Variants in CSNK1G1 observed in about 807,000 individuals in gnomAD.
CSNK1G1 encodes casein kinase I isoform gamma-1.
CSNK1G1 carries 22 observed loss-of-function variants against 59.6 expected under a neutral mutation model. That is an observed-to-expected ratio of 0.37 (90% CI 0.26 to 0.53). The LOEUF is 0.53. Among genes scored for constraint, CSNK1G1 ranks in the 20% least tolerant of loss-of-function variants. The pLI is 0.89. For missense variants in CSNK1G1, 384 were observed against 519.5 expected, an observed-to-expected ratio of 0.74 and a Z score of 2.54; for synonymous variants, 179 against 177.1, an observed-to-expected ratio of 1.01 and a Z score of -0.08.
At chr15:64,318,021 T>C (rs1247367449) in intron 1 of CSNK1G1, among the ~76,000 whole-genome samples, 2 of 152,172 alleles carry the variant, frequency 1.3e-5, no homozygotes, top group Non-Finnish European at 2.9e-5. Context: ...GCCAATTTTC[T>C]CACCTAATGA....
At chr15:64,206,214 G>C (rs2082177904) in intron 7 of CSNK1G1, among the ~76,000 whole-genome samples, 1 of 152,170 alleles carries the variant, frequency 6.6e-6, no homozygotes, top group Admixed American at 6.5e-5. Context: ...GGCCGAGGCA[G>C]GCGGATCACA....
At chr15:64,225,948 T>TA in intron 4 of CSNK1G1, among the ~76,000 whole-genome samples, 1 of 152,126 alleles carries the variant, frequency 6.6e-6, no homozygotes. Flanking sequence ...TTTAATTCAA[T>TA]AAAAACCCCA....
At chr15:64,347,824 G>A (rs958770260) in intron 1 of CSNK1G1, among the ~76,000 whole-genome samples, 33 of 151,916 alleles carry the variant, frequency 2.2e-4, no homozygotes, top group African/African-American at 8.0e-4. Flanking sequence ...TGGCCAACAT[G>A]GTGAAACCCG....
intron 4 of CSNK1G1, among the ~76,000 whole-genome samples, chr15:64,240,663 C>A (rs1053149099): frequency 2.6e-5 from 4 of 151,760 alleles, no homozygotes; most frequent in African/African-American, 9.7e-5. Flanking sequence ...AAACTCTCAG[C>A]CAAAAATACT....
chr15:64,236,558 C>T (rs1051976964), intron 4 of CSNK1G1, among the ~76,000 whole-genome samples: 6 of 152,108 alleles, frequency 3.9e-5, no homozygotes, highest in African/African-American at 1.4e-4. Flanking sequence ...CATTAGTACT[C>T]ATTAAAGAAA....
chr15:64,189,065 G>C (rs1183599470), intron 10 of CSNK1G1, among the ~76,000 whole-genome samples: 1 of 152,150 alleles, frequency 6.6e-6, no homozygotes, highest in Non-Finnish European at 1.5e-5. Flanking sequence ...GGTGGAGGTT[G>C]CAGTGAGCCA....
rs374369901 is a variant in CSNK1G1, at chr15:64,226,848, G to A, written c.293-10135C>T. On this transcript the variant is annotated intron_variant, in intron 4 of 11. Coordinates refer to ENST00000303052, the MANE Select transcript of CSNK1G1 (RefSeq NM_022048.5). ...TAAAAAGTCAAGAAGGTTCTAGCAA[G>A]CAGCTAGAAGGAATGAAAAGGAAAA... 3.3e-5 allele frequency among the ~76,000 whole-genome samples: 5 copies of A among 152,236 alleles called. No homozygotes were observed. In the East Asian group the frequency reaches 5.8e-4, roughly 18 times the overall value.
rs181369805 is a variant in CSNK1G1 at position 64,272,434 on chromosome 15, G to T, written c.182-13193C>A. On this transcript the variant is annotated intron_variant, in intron 2 of 11. Transcript: ENST00000303052. ...GGGTTTCACCGTGTTAGCCAGGATGGTCTCAATCTCCTGACCTTGTGATCC... is the reference window on the plus strand; with the variant it reads ...GGGTTTCACCGTGTTAGCCAGGATGTTCTCAATCTCCTGACCTTGTGATCC... Among the ~76,000 whole-genome samples the T allele has an allele frequency of 3.6e-3, 544 of 152,140 alleles. 1 individual carries two copies. The highest frequency in any genetic ancestry group is 0.014 in the Middle Eastern group (4 of 294).
At chr15:64,226,427 G>A (rs1449974942) in intron 4 of CSNK1G1, among the ~76,000 whole-genome samples, 1 of 152,036 alleles carries the variant, frequency 6.6e-6, no homozygotes, top group Non-Finnish European at 1.5e-5. Context: ...GCGTGGTGGT[G>A]CACGCCTGTA....
intron 1 of CSNK1G1, among the ~76,000 whole-genome samples, chr15:64,333,462 T>G (rs1472395879): frequency 3.0e-3 from 72 of 24,116 alleles, no homozygotes; most frequent in East Asian, 0.01. Context: ...AAAAAAAAGG[T>G]CAATATGTAC....
At chr15:64,277,173 T>C (rs573892773) in intron 2 of CSNK1G1, among the ~76,000 whole-genome samples, 1 of 152,216 alleles carries the variant, frequency 6.6e-6, no homozygotes, top group East Asian at 1.9e-4. Context: ...ATGTTATTAA[T>C]AAAGTTGGAG....
At chr15:64,309,217 G>A (rs754160768) in intron 1 of CSNK1G1, among the ~76,000 whole-genome samples, 1 of 151,714 alleles carries the variant, frequency 6.6e-6, no homozygotes, top group African/African-American at 2.4e-5. Flanking sequence ...GTCTACTCAC[G>A]TATTAGCTCT....
chr15:64,339,305 TTTGTTGTTA>T (rs1897566978), intron 1 of CSNK1G1, among the ~76,000 whole-genome samples: 1 of 151,958 alleles, frequency 6.6e-6, no homozygotes, highest in African/African-American at 2.4e-5. Flanking sequence ...TTTTTTGTTT[TTTGTTGTTA>T]TTGTTGTTGT....
In CSNK1G1 at chr15:64,259,222, A is replaced by G. The variant is rs536525003; in HGVS notation, c.201T>C (p.Asn67=). The change falls in exon 3 of 12, where the codon AAT becomes AAC. Residue 67 remains asparagine (N), a synonymous_variant. Coordinates refer to ENST00000303052, the MANE Select transcript of CSNK1G1 (RefSeq NM_022048.5). The part of the protein sequence containing the change: ...ELRLGKNLYT[N]EYVAIKLEPI... ...TCACCAGTTTGATTGCTACATATTC[A>G]TTGGTGTAGAGATTTTTACCTAAGA... 1.9e-6 allele frequency: 3 copies of G among 1,597,272 alleles called. No homozygotes were observed. Among genetic ancestry groups the G allele is most frequent in the South Asian group, 2.3e-5 (2 of 88,282 alleles).
chr15:64,318,001 C>T (rs923508036), intron 1 of CSNK1G1, among the ~76,000 whole-genome samples: 1 of 152,128 alleles, frequency 6.6e-6, no homozygotes, highest in African/African-American at 2.4e-5. Flanking sequence ...AAAAGGATTT[C>T]GAGACTGCTG....
intron 1 of CSNK1G1, among the ~76,000 whole-genome samples, chr15:64,325,295 C>T (rs1016804630): frequency 6.6e-5 from 10 of 151,938 alleles, no homozygotes; most frequent in Non-Finnish European, 1.2e-4. Flanking sequence ...AGCAGGCATC[C>T]GTTTGAATTC....
chr15:64,180,021 T>C (rs1457455904), intron 11 of CSNK1G1: 2 of 213,416 alleles, frequency 9.4e-6, no homozygotes, highest in Non-Finnish European at 1.9e-5. Flanking sequence ...CAGCAGATTT[T>C]TCTCTATATC....
intron 4 of CSNK1G1, among the ~76,000 whole-genome samples, chr15:64,234,782 C>G (rs2082593180): frequency 6.6e-6 from 1 of 152,128 alleles, no homozygotes; most frequent in South Asian, 2.1e-4. Context: ...AATCTGCTCT[C>G]TCTTGAGTGG....
chr15:64,264,186 T>C (rs563505945), intron 2 of CSNK1G1, among the ~76,000 whole-genome samples: 1 of 152,260 alleles, frequency 6.6e-6, no homozygotes, highest in East Asian at 1.9e-4. Flanking sequence ...TTCGGTTTGC[T>C]GTGAACGAAG....
Sources: gnomAD v4.1 joint callset for allele counts (sites outside exome capture counted in the v4.1 genomes callset) on GRCh38, gnomAD v4.1.1 for gene constraint, MANE v1.5 for transcripts, NCBI Gene and HGNC (gene_info 2026-07-23, HGNC 2026-07-21) for gene names.